HHIPL1: variants seen among roughly 807,000 people sequenced by gnomAD.
HHIPL1 encodes HHIP like 1.
HHIPL1 carries 43 observed loss-of-function variants against 61.8 expected under a neutral mutation model. The ratio of observed to expected loss-of-function variants is 0.70; its 90% CI spans 0.55 to 0.90. HHIPL1 has a LOEUF of 0.90. HHIPL1 is among the 40% of genes least tolerant of loss of function. HHIPL1 has a pLI of 0.00. For synonymous variants in HHIPL1, 482 were observed against 515.8 expected (o/e 0.93, Z 0.89); for missense variants, 1,056 against 1,157.7 (o/e 0.91, Z 1.28).
the HHIPL1 span, among the ~76,000 whole-genome samples, chr14:99,635,815 TG>T: frequency 1.3e-5 from 2 of 152,222 alleles, no homozygotes; most frequent in East Asian, 1.9e-4. Flanking sequence ...AGGGGATTGC[TG>T]GGCTATGGCT....
chr14:99,612,465 C>T, the HHIPL1 span, among the ~76,000 whole-genome samples: 1 of 152,224 alleles, frequency 6.6e-6, no homozygotes, highest in Non-Finnish European at 1.5e-5. Flanking sequence ...AGCAGGTTTA[C>T]TCACTTGGGA....
the HHIPL1 span, among the ~76,000 whole-genome samples, chr14:99,607,216 C>T: frequency 3.3e-5 from 5 of 151,422 alleles, no homozygotes; most frequent in Non-Finnish European, 5.9e-5. Flanking sequence ...TTTCTTTTTT[C>T]CCCCATAGAG....
chr14:99,649,065 G>A (rs1233090067), intron 1 of HHIPL1, among the ~76,000 whole-genome samples: 1 of 152,202 alleles, frequency 6.6e-6, no homozygotes, highest in Admixed American at 6.5e-5. Context: ...CCTCTTGCCA[G>A]CAGCAATCAC....
At position 99,659,729 on chromosome 14, in the gene HHIPL1, C is replaced by T. The variant is rs565103230; in HGVS notation, c.1348C>T (p.Arg450Cys). ...GCGCGAAGGGTTCGAGTGCTACGAC[C>T]GCAGCCTGTGCGCCAACACCTCTCT... ...RAREGFECYD[R>C]SLCANTSLND... Residue 450 changes from arginine to cysteine, a missense_variant, in exon 4 of 9, where the codon CGC becomes TGC. Arg to Cys is a radical substitution (Grantham distance 180). Coordinates refer to ENST00000330710, the MANE Select transcript of HHIPL1 (RefSeq NM_001127258.3). The T allele has an allele frequency of 2.1e-6, 3 of 1,454,614 alleles. No homozygotes were observed. Among genetic ancestry groups the T allele is most frequent in the African/African-American group, 1.5e-5 (1 of 68,066 alleles). 90.1% of individuals were successfully genotyped at this position (1,454,614 alleles called of 1,614,324 possible). A position where few individuals can be genotyped will look rare whatever the true frequency, so the allele number is the denominator to read the frequency against.
chr14:99,608,216 A>G, the HHIPL1 span, among the ~76,000 whole-genome samples: 2 of 151,780 alleles, frequency 1.3e-5, no homozygotes, highest in Non-Finnish European at 2.9e-5. Context: ...TGAGCGATGG[A>G]GCTGGGCAGA....
chr14:99,637,201 G>GAAGGAAGA, the HHIPL1 span, among the ~76,000 whole-genome samples: 3 of 87,262 alleles, frequency 3.4e-5, no homozygotes, highest in African/African-American at 1.3e-4. Context: ...AGAAAGAAAG[G>GAAGGAAGA]AAGAAAGAAA....
At chr14:99,623,064 G>C in the HHIPL1 span, among the ~76,000 whole-genome samples, 6 of 152,212 alleles carry the variant, frequency 3.9e-5, no homozygotes, top group Non-Finnish European at 8.8e-5. Flanking sequence ...GCAGAGACGC[G>C]TGTGCTGAGC....
chr14:99,617,707 C>A, the HHIPL1 span, among the ~76,000 whole-genome samples: 3 of 152,164 alleles, frequency 2.0e-5, no homozygotes, highest in Non-Finnish European at 4.4e-5. Flanking sequence ...GAGAAATATT[C>A]CCTGATGGAA....
the HHIPL1 span, among the ~76,000 whole-genome samples, chr14:99,606,790 G>A: frequency 6.6e-6 from 1 of 152,118 alleles, no homozygotes; most frequent in South Asian, 2.1e-4. Flanking sequence ...TTTGAGGGAG[G>A]GTCTCTCTGC....
chr14:99,641,527 CT>C (rs1385960435), upstream of HHIPL1, among the ~76,000 whole-genome samples: 1 of 151,968 alleles, frequency 6.6e-6, no homozygotes, highest in Non-Finnish European at 1.5e-5. Context: ...AATCCTCCTG[CT>C]TTAGCCTCCC....
chr14:99,660,813 A>G lies in HHIPL1; in HGVS notation c.1502+407A>G, dbSNP rs2056139074. On this transcript the variant is annotated intron_variant, in intron 5 of 8. Transcript: ENST00000330710. This position sits in a 1 kb window ranked among gnomAD's most constrained non-coding sequence, Gnocchi z 4.9. ...TGGGGAAGCCACAGCTTGTCACTGC[A>G]ACAGCTGATGGGGGCCTGGAGCCCT... Among the ~76,000 whole-genome samples, 2 of 152,142 alleles carry G rather than the reference A, an allele frequency of 1.3e-5. No homozygotes were observed. Among genetic ancestry groups the G allele is most frequent in the African/African-American group, 2.4e-5 (1 of 41,420 alleles).
chr14:99,621,741 A>G, the HHIPL1 span, among the ~76,000 whole-genome samples: 1 of 108,620 alleles, frequency 9.2e-6, no homozygotes, highest in African/African-American at 3.6e-5. Flanking sequence ...TTTGAGACAC[A>G]GTCTTGCTCT....
the HHIPL1 span, among the ~76,000 whole-genome samples, chr14:99,605,859 A>G: frequency 6.6e-6 from 1 of 152,212 alleles, no homozygotes; most frequent in African/African-American, 2.4e-5. Flanking sequence ...GGCCTGTTAC[A>G]GACCTGTTCC....
the HHIPL1 span, among the ~76,000 whole-genome samples, chr14:99,618,335 G>A: frequency 7.9e-5 from 12 of 152,302 alleles, no homozygotes; most frequent in South Asian, 8.3e-4. Context: ...ACCCATGGAA[G>A]GTCCACCCAG....
the HHIPL1 span, among the ~76,000 whole-genome samples, chr14:99,639,347 T>A: frequency 6.6e-6 from 1 of 152,208 alleles, no homozygotes; most frequent in Non-Finnish European, 1.5e-5. Flanking sequence ...TTTATTTTTA[T>A]TTTATTATTA....
Position 99,661,134 on chromosome 14 carries a change from C to T in HHIPL1, c.1502+728C>T, listed in dbSNP as rs550768093. Among the ~76,000 whole-genome samples the T allele has an allele frequency of 3.5e-4, 3 of 8,662 alleles. No individual in the cohort carries two copies. The East Asian group carries it at 0.058, about 167-fold the overall frequency. The allele number at this position is 8,662 out of a possible 152,430, so 5.7% of individuals were successfully genotyped here. A position where few individuals can be genotyped will look rare whatever the true frequency, so the allele number is the denominator to read the frequency against. ...GTCCCCAAGGGTGCTTATGGAGCCT[C>T]GTGACCACCTTGTCCCATTTACAGA... On this transcript the variant is annotated intron_variant, in intron 5 of 8. Transcript: ENST00000330710.
intron 7 of HHIPL1, chr14:99,669,172 C>A (rs1424340749): frequency 1.5e-6 from 2 of 1,325,658 alleles, no homozygotes; most frequent in Non-Finnish European, 1.9e-6. Context: ...AGTCTCAGGG[C>A]CAAGCCTGTA....
the HHIPL1 span, among the ~76,000 whole-genome samples, chr14:99,605,737 G>A: frequency 2.0e-5 from 3 of 152,254 alleles, no homozygotes; most frequent in South Asian, 2.1e-4. Context: ...TAGATCCAGC[G>A]GTCAGGGAGG....
intron 1 of HHIPL1, among the ~76,000 whole-genome samples, chr14:99,647,552 G>A (rs745986737): frequency 4.6e-5 from 7 of 152,236 alleles, no homozygotes; most frequent in Non-Finnish European, 8.8e-5. Flanking sequence ...GCAGTTAGCA[G>A]GAGTGACCAC....
Sources: gnomAD v4.1 joint callset for allele counts (sites outside exome capture counted in the v4.1 genomes callset) on GRCh38, gnomAD v4.1.1 for gene constraint, Gnocchi (gnomAD v3.1) non-coding constraint, MANE v1.5 for transcripts, NCBI Gene and HGNC (gene_info 2026-07-23, HGNC 2026-07-21) for gene names.